Variants in ELOC observed in about 807,000 individuals in gnomAD.
ELOC encodes the protein elongin C.
For synonymous variants in ELOC, 40 were observed against 51.3 expected (o/e 0.78, Z 0.94); for missense variants, 38 against 139.0 (o/e 0.27, Z 3.65).
chr8:73,962,381 T>C (rs757820162), intron 1 of ELOC, among the ~76,000 whole-genome samples: 2 of 152,132 alleles, frequency 1.3e-5, no homozygotes, highest in Admixed American at 6.6e-5. Context: ...ACTACCACAG[T>C]AAAAAATTCT....
chr8:73,953,064 C>T (rs183908449), intron 3 of ELOC, among the ~76,000 whole-genome samples: 26 of 151,784 alleles, frequency 1.7e-4, no homozygotes, highest in Admixed American at 6.6e-4. Flanking sequence ...CAGCACTTTG[C>T]GAGGCCGAGG....
intron 3 of ELOC, among the ~76,000 whole-genome samples, chr8:73,953,507 T>C (rs748874284): frequency 9.9e-5 from 15 of 151,060 alleles, no homozygotes; most frequent in Non-Finnish European, 2.2e-4. Context: ...AGAAACCCCG[T>C]CTCCACTAAA....
At chr8:73,968,001 T>A (rs916290498) in intron 1 of ELOC, among the ~76,000 whole-genome samples, 7 of 152,152 alleles carry the variant, frequency 4.6e-5, no homozygotes, top group Admixed American at 2.6e-4. Context: ...GTAAGCACAA[T>A]TTTGTGCCTA....
In ELOC at chr8:73,968,545, C is replaced by T. The variant is rs866648220; in HGVS notation, c.-51+3532G>A. On this transcript the variant is annotated intron_variant, in intron 1 of 3. Coordinates refer to ENST00000520242, the MANE Select transcript of ELOC (RefSeq NM_005648.4). The stretch of plus-strand genomic sequence containing the variant: ...GATTCTACATATTAACAGAACCTTT[C>T]GAAAGATAGGCTAAAAATAAACTGA... 3.3e-4 allele frequency among the ~76,000 whole-genome samples: 50 copies of T among 152,350 alleles called. No individual in the cohort carries two copies. In the Middle Eastern group the frequency reaches 0.017, roughly 52 times the overall value.
At chr8:73,949,913 T>C (rs1029437106) in intron 3 of ELOC, among the ~76,000 whole-genome samples, 3 of 152,186 alleles carry the variant, frequency 2.0e-5, no homozygotes, top group Non-Finnish European at 2.9e-5. Context: ...TGATTTTTTT[T>C]CCCCTTAAAG....
chr8:73,964,541 A>G (rs1380556195), intron 1 of ELOC: 1 of 152,170 alleles, frequency 6.6e-6, no homozygotes, highest in Non-Finnish European at 1.5e-5. Context: ...CACACCTGCA[A>G]TCGCAACACT....
At chr8:73,954,347 C>A (rs563245910) in intron 3 of ELOC, among the ~76,000 whole-genome samples, 2 of 152,162 alleles carry the variant, frequency 1.3e-5, no homozygotes, top group South Asian at 4.1e-4. Context: ...AATTTTACTT[C>A]AAGAAAAAAA....
intron 1 of ELOC, among the ~76,000 whole-genome samples, chr8:73,970,869 C>CA (rs1241950163): frequency 0.031 from 4,008 of 127,760 alleles, 172 homozygotes; most frequent in African/African-American, 0.1. Flanking sequence ...CAAAACAAAA[C>CA]AAAAAAAAAA....
At chr8:73,955,286 T>C (rs1229335752) in intron 3 of ELOC, among the ~76,000 whole-genome samples, 1 of 152,094 alleles carries the variant, frequency 6.6e-6, no homozygotes, top group South Asian at 2.1e-4. Flanking sequence ...CTGGCCAACA[T>C]GGTGAAACCC....
chr8:73,956,138 C>A, intron 2 of ELOC, 84 bp from the exon 3 acceptor site: 1 of 1,330,782 alleles, frequency 7.5e-7, no homozygotes, highest in Non-Finnish European at 1.0e-6. Flanking sequence ...CAGTGGCTCA[C>A]GCCTGTAATC....
At chr8:73,972,266 G>A (rs1815473544), upstream of ELOC, 1 of 152,366 alleles carries the variant, frequency 6.6e-6, no homozygotes, top group Non-Finnish European at 1.5e-5. Flanking sequence ...AGGACGCAGA[G>A]TGTGTCGCTC....
chr8:73,967,561 A>T lies in ELOC; in HGVS notation c.-51+4516T>A, dbSNP rs1815079653. ...TGGCTCACTGCAACCTCCACCTCCC[A>T]GGTTCAAGTGATTCTCCTGCCTCAG... is the stretch of plus-strand genomic sequence containing the variant. On this transcript the variant is annotated intron_variant, in intron 1 of 3. Coordinates refer to ENST00000520242, the MANE Select transcript of ELOC (RefSeq NM_005648.4). 2.7e-5 allele frequency among the ~76,000 whole-genome samples: 4 copies of T among 148,052 alleles called. No individual in the cohort carries two copies. The Admixed American group carries it at 2.8e-4, about 10-fold the overall frequency.
intron 2 of ELOC, among the ~76,000 whole-genome samples, chr8:73,959,140 G>A (rs1814417130): frequency 6.6e-6 from 1 of 152,206 alleles, no homozygotes; most frequent in South Asian, 2.1e-4. Context: ...TGCTCTGTGT[G>A]AGTTGGTAAG....
At chr8:73,963,323 A>C (rs1371284359) in intron 1 of ELOC, among the ~76,000 whole-genome samples, 1 of 152,220 alleles carries the variant, frequency 6.6e-6, no homozygotes, top group Non-Finnish European at 1.5e-5. Context: ...CTATATTGCT[A>C]CATGAAATTC....
chr8:73,961,861 G>C (rs117238217), intron 1 of ELOC, among the ~76,000 whole-genome samples: 2 of 151,892 alleles, frequency 1.3e-5, no homozygotes, highest in African/African-American at 2.4e-5. Context: ...CCTAAGAAGC[G>C]GTAAACACTG....
chr8:73,961,492 A>C (rs911279119), intron 1 of ELOC, among the ~76,000 whole-genome samples: 4 of 152,206 alleles, frequency 2.6e-5, no homozygotes, highest in African/African-American at 9.6e-5. Context: ...GCATGGAGAC[A>C]GATATTCAAA....
At chr8:73,964,323 T>C (rs905723751) in intron 1 of ELOC, among the ~76,000 whole-genome samples, 3 of 150,542 alleles carry the variant, frequency 2.0e-5, no homozygotes, top group Non-Finnish European at 2.9e-5. Context: ...TCAAAGCGTA[T>C]GGTGAGAAAG....
chr8:73,946,604 T>G lies in ELOC; in HGVS notation c.*26A>C. 1.3e-6 allele frequency: 2 copies of G among 1,507,872 alleles called. No individual in the cohort carries two copies. 93.4% of individuals were successfully genotyped at this position (1,507,872 alleles called of 1,614,324 possible). Reference sequence around the variant, plus strand: ...ACAGGTATTAAATACTGAAAAGAGTTAACAGTTTATTATAATTTATTTTAT... The same window carrying G: ...ACAGGTATTAAATACTGAAAAGAGTGAACAGTTTATTATAATTTATTTTAT... On this transcript the variant is annotated 3_prime_UTR_variant, in exon 4 of 4. Coordinates refer to ENST00000520242, the MANE Select transcript of ELOC (RefSeq NM_005648.4).
At chr8:73,962,747 T>C (rs986587458) in intron 1 of ELOC, among the ~76,000 whole-genome samples, 1 of 152,188 alleles carries the variant, frequency 6.6e-6, no homozygotes, top group Admixed American at 6.5e-5. Flanking sequence ...AGCAACAGTT[T>C]CTCTACAGAG....
Sources: gnomAD v4.1 joint callset for allele counts (sites outside exome capture counted in the v4.1 genomes callset) on GRCh38, gnomAD v4.1.1 for gene constraint, MANE v1.5 for transcripts, NCBI Gene and HGNC (gene_info 2026-07-23, HGNC 2026-07-21) for gene names.